The following GALNT17 variants were observed in gnomAD, a reference collection of about 807,000 sequenced individuals.
The protein encoded by GALNT17 is UDP-GalNAc:polypeptide N-acetylgalactosaminyltransferase-like 3.
GALNT17 carries 29 observed loss-of-function variants against 63.7 expected under a neutral mutation model. The ratio of observed to expected loss-of-function variants is 0.46; its 90% CI spans 0.34 to 0.62. The LOEUF (loss-of-function observed/expected upper bound fraction) is 0.62. GALNT17 is among the 20% of genes least tolerant of loss of function. The pLI, the probability that GALNT17 is intolerant of heterozygous loss-of-function variation, is 0.01. For synonymous variants in GALNT17, 305 were observed against 318.3 expected (o/e 0.96, Z 0.45); for missense variants, 603 against 799.6 (o/e 0.75, Z 2.97).
chr7:71,463,933 G>A (rs1435957541), intron 5 of GALNT17, among the ~76,000 whole-genome samples: 3 of 152,102 alleles, frequency 2.0e-5, no homozygotes, highest in African/African-American at 4.8e-5. Flanking sequence ...TGTATCTTGT[G>A]CCCATCCCTT....
chr7:71,328,499 G>C (rs934083164), intron 1 of GALNT17, among the ~76,000 whole-genome samples: 10 of 152,182 alleles, frequency 6.6e-5, no homozygotes, highest in African/African-American at 2.2e-4. Flanking sequence ...AGGTTTCTTG[G>C]GTACACGAAA....
intron 5 of GALNT17, among the ~76,000 whole-genome samples, chr7:71,447,543 T>G (rs927497241): frequency 2.6e-5 from 4 of 152,072 alleles, no homozygotes; most frequent in African/African-American, 9.7e-5. Context: ...CTCAAGTGTT[T>G]TGGTTAAGGG....
chr7:71,530,443 T>G (rs1364717831), intron 5 of GALNT17, among the ~76,000 whole-genome samples: 1 of 152,120 alleles, frequency 6.6e-6, no homozygotes, highest in Non-Finnish European at 1.5e-5. Flanking sequence ...TAACGTGTAG[T>G]CTAGGAACAC....
At chr7:71,607,982 C>T (rs1161817021) in intron 6 of GALNT17, among the ~76,000 whole-genome samples, 1 of 152,140 alleles carries the variant, frequency 6.6e-6, no homozygotes, top group Non-Finnish European at 1.5e-5. Context: ...CCTGTAAAAT[C>T]CAGTGAGAGT....
intron 5 of GALNT17, among the ~76,000 whole-genome samples, chr7:71,490,567 G>A (rs1457014813): frequency 6.6e-6 from 1 of 152,160 alleles, no homozygotes; most frequent in Non-Finnish European, 1.5e-5. Flanking sequence ...AGGGTCCCTT[G>A]AGGCCTGGGC....
chr7:71,275,091 G>A (rs1790659465), intron 1 of GALNT17, among the ~76,000 whole-genome samples: 1 of 152,152 alleles, frequency 6.6e-6, no homozygotes, highest in Admixed American at 6.5e-5. Flanking sequence ...GGGAGATCCT[G>A]AAATGGTTTG....
chr7:71,261,220 T>A (rs1790379850), intron 1 of GALNT17, among the ~76,000 whole-genome samples: 1 of 152,154 alleles, frequency 6.6e-6, no homozygotes, highest in South Asian at 2.1e-4. Flanking sequence ...TTGAGATGCA[T>A]CCTGGATTCT....
chr7:71,313,150 G>A (rs1791440578), intron 1 of GALNT17, among the ~76,000 whole-genome samples: 1 of 152,134 alleles, frequency 6.6e-6, no homozygotes, highest in African/African-American at 2.4e-5. Flanking sequence ...ACCCTATAGA[G>A]AAACCCAAGT....
At chr7:71,652,177 C>T (rs958287992) in intron 6 of GALNT17, among the ~76,000 whole-genome samples, 5 of 152,024 alleles carry the variant, frequency 3.3e-5, no homozygotes, top group Admixed American at 1.3e-4. Context: ...CATCACAAAA[C>T]ACTTCATCTT....
intron 1 of GALNT17, among the ~76,000 whole-genome samples, chr7:71,298,366 T>A (rs544865409): frequency 8.1e-5 from 7 of 86,872 alleles, no homozygotes; most frequent in Non-Finnish European, 1.1e-4. Flanking sequence ...CTAATGGCTG[T>A]ACTTTTTGCA....
chr7:71,393,505 T>C (rs1365236925), intron 3 of GALNT17, among the ~76,000 whole-genome samples: 1 of 152,192 alleles, frequency 6.6e-6, no homozygotes, highest in Non-Finnish European at 1.5e-5. Context: ...TATAAACAAG[T>C]TGATGTTCTG....
At chr7:71,711,054 C>CG in intron 10 of GALNT17, 126 bp downstream of exon 10, 1 of 1,308,264 alleles carries the variant, frequency 7.6e-7, no homozygotes, top group Non-Finnish European at 1.0e-6. Flanking sequence ...CTCCCTGCCC[C>CG]GGGCTGGGCT....
chr7:71,453,236 G>A (rs1787298009), intron 5 of GALNT17, among the ~76,000 whole-genome samples: 1 of 152,130 alleles, frequency 6.6e-6, no homozygotes, highest in Non-Finnish European at 1.5e-5. Context: ...TATATTCCAG[G>A]TATCTTTTGT....
At chr7:71,650,012 A>T (rs1038271053) in intron 6 of GALNT17, among the ~76,000 whole-genome samples, 3 of 152,206 alleles carry the variant, frequency 2.0e-5, no homozygotes, top group African/African-American at 7.2e-5. Context: ...CAATGTGCAG[A>T]TGTGCAGTTT....
At chr7:71,644,584 G>T (rs182962863) in intron 6 of GALNT17, among the ~76,000 whole-genome samples, 87 of 129,040 alleles carry the variant, frequency 6.7e-4, no homozygotes, top group African/African-American at 2.5e-3. Context: ...AGAAAGAAAA[G>T]AAAAAAGAAA....
intron 1 of GALNT17, among the ~76,000 whole-genome samples, chr7:71,209,801 G>A (rs1221728107): frequency 6.6e-6 from 1 of 152,152 alleles, no homozygotes; most frequent in African/African-American, 2.4e-5. Flanking sequence ...ATCTGGAGAG[G>A]CCTCAGAATC....
intron 8 of GALNT17, 58 bp downstream of exon 8, chr7:71,670,167 C>T: frequency 2.5e-6 from 4 of 1,608,034 alleles, no homozygotes; most frequent in East Asian, 2.2e-5. Context: ...CTGTGGGTTG[C>T]TTCGCTGGGG....
chr7:71,317,236 G>A (rs753282915), intron 1 of GALNT17, among the ~76,000 whole-genome samples: 1 of 152,326 alleles, frequency 6.6e-6, no homozygotes, highest in East Asian at 1.9e-4. Flanking sequence ...CAGACCAGGT[G>A]AGTGATGGAA....
intron 5 of GALNT17, among the ~76,000 whole-genome samples, chr7:71,482,449 G>T (rs574170483): frequency 6.6e-6 from 1 of 151,982 alleles, no homozygotes; most frequent in African/African-American, 2.4e-5. Context: ...TGCACCTGCC[G>T]ACAGGGATAC....
Sources: allele counts gnomAD v4.1 joint callset (sites outside exome capture counted in the v4.1 genomes callset), GRCh38; gene constraint gnomAD v4.1.1; transcripts MANE v1.5; gene names NCBI Gene and HGNC (gene_info 2026-07-23, HGNC 2026-07-21).